Variants in FBXO34 observed in about 807,000 individuals in gnomAD.
FBXO34 encodes F-box protein 34.
In FBXO34, 12 loss-of-function variants were observed where a neutral mutation model predicts 24.5. That is an observed-to-expected ratio of 0.49 (90% CI 0.31 to 0.79). The LOEUF (loss-of-function observed/expected upper bound fraction) is 0.79. Among genes scored for constraint, FBXO34 ranks in the 30% least tolerant of loss-of-function variants. The pLI, the probability that FBXO34 is intolerant of heterozygous loss-of-function variation, is 0.04. For synonymous variants in FBXO34, 320 were observed against 311.9 expected, an observed-to-expected ratio of 1.03 and a Z score of -0.27; for missense variants, 823 against 857.7, an observed-to-expected ratio of 0.96 and a Z score of 0.51.
At chr14:55,428,627 AC>A in the FBXO34 span, among the ~76,000 whole-genome samples, 2 of 151,670 alleles carry the variant, frequency 1.3e-5, no homozygotes, top group Non-Finnish European at 2.9e-5. Context: ...GTTTCAAAAG[AC>A]TGGGCACATG....
At chr14:55,325,803 T>G (rs1293067338) in intron 1 of FBXO34, 1 of 152,248 alleles carries the variant, frequency 6.6e-6, no homozygotes, top group Non-Finnish European at 1.5e-5. Context: ...AATCTTGTTA[T>G]TCAGAATCAA....
chr14:55,308,575 T>C (rs924029021), intron 1 of FBXO34, among the ~76,000 whole-genome samples: 1 of 152,232 alleles, frequency 6.6e-6, no homozygotes, highest in Non-Finnish European at 1.5e-5. Flanking sequence ...TTGAAGTATA[T>C]TGTTCTTTAC....
chr14:55,312,003 C>G (rs967518415), intron 1 of FBXO34, among the ~76,000 whole-genome samples: 1 of 152,108 alleles, frequency 6.6e-6, no homozygotes, highest in African/African-American at 2.4e-5. Context: ...CGTTCGAGAC[C>G]AGCCTGACCA....
the FBXO34 span, among the ~76,000 whole-genome samples, chr14:55,417,401 A>T: frequency 6.6e-6 from 1 of 151,464 alleles, no homozygotes; most frequent in East Asian, 1.9e-4. Context: ...ATCAATCAAT[A>T]ATCAAAAACC....
At chr14:55,288,370 AATC>A (rs1881832682) in intron 1 of FBXO34, among the ~76,000 whole-genome samples, 1 of 152,248 alleles carries the variant, frequency 6.6e-6, no homozygotes, top group Non-Finnish European at 1.5e-5. Context: ...TACATACACT[AATC>A]ATAGCTGGGA....
intron 1 of FBXO34, among the ~76,000 whole-genome samples, chr14:55,279,150 G>C (rs528816132): frequency 1.3e-5 from 2 of 152,248 alleles, no homozygotes; most frequent in East Asian, 1.9e-4. Flanking sequence ...AGCTGGGCAT[G>C]GTGGTGGGTG....
intron 1 of FBXO34, among the ~76,000 whole-genome samples, chr14:55,327,576 G>C (rs1883380246): frequency 6.6e-6 from 1 of 152,102 alleles, no homozygotes; most frequent in African/African-American, 2.4e-5. Flanking sequence ...AATAGCATTA[G>C]CTATTGGGAA....
At chr14:55,368,192 G>C (rs192156454), downstream of FBXO34, 3 of 152,532 alleles carry the variant, frequency 2.0e-5, no homozygotes, top group Non-Finnish European at 4.4e-5. Flanking sequence ...GACAAGACAC[G>C]TGAGCTGAAA....
At chr14:55,341,818 A>G (rs757212058) in intron 1 of FBXO34, among the ~76,000 whole-genome samples, 4 of 152,204 alleles carry the variant, frequency 2.6e-5, no homozygotes, top group Admixed American at 1.3e-4. Flanking sequence ...GGAAATGACT[A>G]CGGATTAACT....
the FBXO34 span, among the ~76,000 whole-genome samples, chr14:55,382,495 A>T: frequency 5.4e-3 from 825 of 151,446 alleles, 8 homozygotes; most frequent in African/African-American, 0.019. Context: ...AACTTAAAAA[A>T]TTTTTTTTTG....
intron 1 of FBXO34, among the ~76,000 whole-genome samples, chr14:55,323,368 C>T (rs1180375442): frequency 5.8e-5 from 8 of 137,358 alleles, no homozygotes; most frequent in African/African-American, 2.2e-4. Context: ...CCTGACCTGG[C>T]CCCCCTTTAA....
the FBXO34 span, among the ~76,000 whole-genome samples, chr14:55,430,820 A>G: frequency 0.28 from 42,578 of 152,166 alleles, 7,731 homozygotes; most frequent in African/African-American, 0.53. Context: ...GGTTAGCAGT[A>G]AAATAAACTG....
chr14:55,414,799 ACTT>A, the FBXO34 span, among the ~76,000 whole-genome samples: 4 of 152,222 alleles, frequency 2.6e-5, no homozygotes, highest in African/African-American at 7.2e-5. Flanking sequence ...AGCAAAAGGG[ACTT>A]CTTTTGATCC....
the FBXO34 span, among the ~76,000 whole-genome samples, chr14:55,384,193 C>T: frequency 6.6e-6 from 1 of 152,172 alleles, no homozygotes; most frequent in Admixed American, 6.5e-5. Flanking sequence ...CATATAATAA[C>T]ATACACTAAA....
the FBXO34 span, among the ~76,000 whole-genome samples, chr14:55,385,439 C>T: frequency 4.6e-5 from 7 of 152,164 alleles, no homozygotes; most frequent in Non-Finnish European, 8.8e-5. Context: ...ACTACAGGCA[C>T]GCGCCACCAC....
At chr14:55,281,542 C>A (rs1881543042) in intron 1 of FBXO34, among the ~76,000 whole-genome samples, 1 of 152,158 alleles carries the variant, frequency 6.6e-6, no homozygotes, top group Non-Finnish European at 1.5e-5. Flanking sequence ...ATAAGATAGT[C>A]CCACCCTTCC....
chr14:55,430,168 A>G, the FBXO34 span, among the ~76,000 whole-genome samples: 1 of 152,140 alleles, frequency 6.6e-6, no homozygotes. Context: ...GTAGGTAGCA[A>G]CACCTGCAGG....
intron 1 of FBXO34, among the ~76,000 whole-genome samples, chr14:55,296,112 C>CT (rs1009807053): frequency 5.9e-5 from 9 of 151,964 alleles, no homozygotes; most frequent in South Asian, 2.1e-4. Context: ...AAGTCCCCCC[C>CT]TTTTTTTTAA....
At chr14:55,354,074 T>C (rs1594769945), downstream of FBXO34, among the ~76,000 whole-genome samples, 1 of 152,182 alleles carries the variant, frequency 6.6e-6, no homozygotes, top group African/African-American at 2.4e-5. Flanking sequence ...GTACGTGCTC[T>C]AGGGGAGGCG....
Sources: allele counts gnomAD v4.1 joint callset (sites outside exome capture counted in the v4.1 genomes callset), GRCh38; gene constraint gnomAD v4.1.1; transcripts MANE v1.5; gene names NCBI Gene and HGNC (gene_info 2026-07-23, HGNC 2026-07-21).